SIM1: variants seen among roughly 807,000 people sequenced by gnomAD.
The protein encoded by SIM1 is SIM bHLH transcription factor 1.
In SIM1, 18 loss-of-function variants were observed where a neutral mutation model predicts 78.2. The observed-to-expected ratio is 0.23, with a 90% CI of 0.16 to 0.34. The LOEUF is 0.34. SIM1 is among the 10% of genes least tolerant of loss of function. The pLI, the probability that SIM1 is intolerant of heterozygous loss-of-function variation, is 1.00. For synonymous variants in SIM1, 417 were observed against 385.2 expected (o/e 1.08, Z -0.97); for missense variants, 939 against 975.1 (o/e 0.96, Z 0.49).
At chr6:100,443,893 G>A (rs1463161646) in intron 9 of SIM1, among the ~76,000 whole-genome samples, 1 of 152,050 alleles carries the variant, frequency 6.6e-6, no homozygotes, top group Non-Finnish European at 1.5e-5. Flanking sequence ...TGTAGATGAT[G>A]TGAATATGGA....
intron 2 of SIM1, among the ~76,000 whole-genome samples, chr6:100,461,079 TC>T (rs1772827678): frequency 7.2e-6 from 1 of 138,768 alleles, no homozygotes; most frequent in African/African-American, 2.7e-5. Flanking sequence ...GGTCCGGGGC[TC>T]GGGGGAAGGT....
intron 9 of SIM1, among the ~76,000 whole-genome samples, chr6:100,439,615 C>T (rs1237379323): frequency 6.6e-6 from 1 of 152,082 alleles, no homozygotes; most frequent in Non-Finnish European, 1.5e-5. Flanking sequence ...CCATGTAGAA[C>T]AATGAGGAAT....
At chr6:100,432,139 C>A (rs1375919562) in intron 9 of SIM1, among the ~76,000 whole-genome samples, 1 of 152,152 alleles carries the variant, frequency 6.6e-6, no homozygotes, top group Non-Finnish European at 1.5e-5. Flanking sequence ...GAGTAACACA[C>A]TATCTCTTAA....
At position 100,387,906 on chromosome 6, in the gene SIM1, C is replaced by T. The variant is rs1420715537; in HGVS notation, c.*2455G>A. The T allele has an allele frequency of 6.6e-6, 1 of 151,900 alleles. No homozygotes were observed. Among genetic ancestry groups the T allele is most frequent in the Non-Finnish European group, 1.5e-5 (1 of 67,944 alleles). 9.4% of individuals were successfully genotyped at this position (151,900 alleles called of 1,614,324 possible). On this transcript the variant is annotated 3_prime_UTR_variant, in exon 12 of 12. Transcript: ENST00000369208. ...GTTTCCATTTCTTTTAGCTTCTGTC[C>T]CTGGCACATTTGGTAGAATATATAG...
chr6:100,436,742 ATT>A (rs58593533), intron 9 of SIM1, among the ~76,000 whole-genome samples: 6 of 134,148 alleles, frequency 4.5e-5, no homozygotes, highest in Admixed American at 7.6e-5. Context: ...TGTTTTTGGT[ATT>A]TTTTTTTTTT....
intron 2 of SIM1, 53 bp from the exon 3 acceptor site, chr6:100,453,897 G>T: frequency 7.1e-7 from 1 of 1,409,716 alleles, no homozygotes. Context: ...CTGACAGGCA[G>T]TTTGGGACCA....
intron 9 of SIM1, among the ~76,000 whole-genome samples, chr6:100,421,792 G>A (rs1452450954): frequency 2.0e-5 from 3 of 152,094 alleles, no homozygotes; most frequent in East Asian, 1.9e-4. Flanking sequence ...GAGTCTCATC[G>A]GACTCCTCAG....
chr6:100,447,433 G>A lies in SIM1; in HGVS notation c.851-18C>T. 3 of 1,614,102 alleles carry A rather than the reference G, an allele frequency of 1.9e-6. No individual in the cohort carries two copies. Among genetic ancestry groups the A allele is most frequent in the African/African-American group, 1.3e-5 (1 of 75,072 alleles). Reference sequence around the variant, plus strand: ...CACCAGCACTGACGGAGAGACAGGAGGCAGATGGTGGTGAACCAGCCTGCC... The same window carrying A: ...CACCAGCACTGACGGAGAGACAGGAAGCAGATGGTGGTGAACCAGCCTGCC... On this transcript the variant is annotated intron_variant, in intron 8 of 11. Coordinates refer to ENST00000369208, the MANE Select transcript of SIM1 (RefSeq NM_005068.3).
rs1770548839 is a variant in SIM1 at position 100,387,788 on chromosome 6, C to T, written c.*2573G>A. 6.6e-6 allele frequency: 1 copy of T among 152,056 alleles called. No homozygotes were observed. The highest frequency in any genetic ancestry group is 6.6e-5 in the Admixed American group (1 of 15,250). The allele number at this position is 152,056 out of a possible 1,614,324, so 9.4% of individuals were successfully genotyped here. A position where few individuals can be genotyped will look rare whatever the true frequency, so the allele number is the denominator to read the frequency against. On this transcript the variant is annotated 3_prime_UTR_variant, in exon 12 of 12. Transcript: ENST00000369208. ...TGTGAAATTCATAATTTCTTCTTCT[C>T]ACCAGTTAACTATCTTCCATATAAA... is the stretch of plus-strand genomic sequence containing the variant.
chr6:100,456,949 G>A (rs771207778), intron 2 of SIM1, among the ~76,000 whole-genome samples: 46 of 152,176 alleles, frequency 3.0e-4, no homozygotes, highest in Non-Finnish European at 5.6e-4. Context: ...GTAACCAAAT[G>A]AGGCGAAGTA....
At chr6:100,438,808 C>G (rs985584409) in intron 9 of SIM1, among the ~76,000 whole-genome samples, 11 of 152,174 alleles carry the variant, frequency 7.2e-5, no homozygotes, top group Non-Finnish European at 1.6e-4. Flanking sequence ...ATGTCTTTTG[C>G]AGCAACTTGG....
chr6:100,445,348 T>C (rs767548122), intron 9 of SIM1, among the ~76,000 whole-genome samples: 2 of 152,218 alleles, frequency 1.3e-5, no homozygotes, highest in African/African-American at 2.4e-5. Flanking sequence ...GTGCTGTGTA[T>C]ATATGCTTCT....
At chr6:100,419,576 T>TA (rs1771508811) in intron 10 of SIM1, among the ~76,000 whole-genome samples, 1 of 152,238 alleles carries the variant, frequency 6.6e-6, no homozygotes, top group African/African-American at 2.4e-5. Flanking sequence ...AAAATATATT[T>TA]AAAAATAAAT....
intron 10 of SIM1, among the ~76,000 whole-genome samples, chr6:100,415,483 T>C (rs1207811892): frequency 6.6e-6 from 1 of 152,198 alleles, no homozygotes. Flanking sequence ...CTTTGGAAAT[T>C]AACTGTAATA....
chr6:100,453,644 TG>T (rs35003436), intron 3 of SIM1, 117 bp downstream of exon 3: 168 of 682,616 alleles, frequency 2.5e-4, no homozygotes, highest in African/African-American at 1.2e-3. Context: ...CCTGTTTTTG[TG>T]GGGGGGGTTG....
At chr6:100,439,726 A>T (rs1772157178) in intron 9 of SIM1, among the ~76,000 whole-genome samples, 1 of 152,208 alleles carries the variant, frequency 6.6e-6, no homozygotes, top group Non-Finnish European at 1.5e-5. Flanking sequence ...CACTGATTCC[A>T]ACTAAATTAC....
chr6:100,446,009 G>T (rs1772343561), intron 9 of SIM1, among the ~76,000 whole-genome samples: 1 of 151,832 alleles, frequency 6.6e-6, no homozygotes, highest in African/African-American at 2.4e-5. Flanking sequence ...GATATTACAA[G>T]AATTATATAA....
chr6:100,441,785 T>G (rs1316167282), intron 9 of SIM1, among the ~76,000 whole-genome samples: 2 of 152,188 alleles, frequency 1.3e-5, no homozygotes, highest in African/African-American at 4.8e-5. Flanking sequence ...AATGTCAATA[T>G]CTGCGCACCC....
rs535126013 is a variant in SIM1 at position 100,452,220 on chromosome 6, C to T, written c.258+1542G>A. 8.5e-5 allele frequency among the ~76,000 whole-genome samples: 13 copies of T among 152,270 alleles called. No homozygotes were observed. In the South Asian group the frequency reaches 2.1e-3, roughly 24 times the overall value. On this transcript the variant is annotated intron_variant, in intron 3 of 11. Coordinates refer to ENST00000369208, the MANE Select transcript of SIM1 (RefSeq NM_005068.3). ...TAGTCCAAATGTCACCTTCTCAGTG[C>T]GGCCCTCTCCAACCATCTCTTATTT...
Sources: gnomAD v4.1 joint callset for allele counts (sites outside exome capture counted in the v4.1 genomes callset) on GRCh38, gnomAD v4.1.1 for gene constraint, MANE v1.5 for transcripts, NCBI Gene and HGNC (gene_info 2026-07-23, HGNC 2026-07-21) for gene names.